Variants in DOK6 observed in about 807,000 individuals in gnomAD.
DOK6 encodes the protein downstream of tyrosine kinase 6.
In DOK6, 22 loss-of-function variants were observed where a neutral mutation model predicts 44.0. That is an observed-to-expected ratio of 0.50 (90% CI 0.36 to 0.71). The LOEUF (loss-of-function observed/expected upper bound fraction) is 0.71. DOK6 is among the 30% of genes least tolerant of loss of function. The pLI, the probability that DOK6 is intolerant of heterozygous loss-of-function variation, is 0.00. For missense variants in DOK6, 340 were observed against 416.4 expected (o/e 0.82, Z 1.60); for synonymous variants, 166 against 145.5 (o/e 1.14, Z -1.01).
At position 69,401,282 on chromosome 18, in the gene DOK6, A is replaced by G; in HGVS notation, c.38A>G (p.Tyr13Cys). ...SNFNDIVKQG[Y>C]VKIRSRKLGI... Reference sequence around the variant, plus strand: ...TTTAACGACATAGTCAAGCAGGGCTACGTGAAAATCCGCAGCAGGAAGCTT... The same window carrying G: ...TTTAACGACATAGTCAAGCAGGGCTGCGTGAAAATCCGCAGCAGGAAGCTT... Residue 13 changes from tyrosine to cysteine, a missense_variant, in exon 1 of 8, where the codon TAC becomes TGC. By Grantham distance (194) the Tyr-to-Cys change is radical (BLOSUM62 -2). Coordinates refer to ENST00000382713, the MANE Select transcript of DOK6 (RefSeq NM_152721.6). 1 of 1,584,982 alleles carries G rather than the reference A, an allele frequency of 6.3e-7. No individual in the cohort carries two copies. Among genetic ancestry groups the G allele is most frequent in the Admixed American group, 1.7e-5 (1 of 57,228 alleles).
intron 3 of DOK6, among the ~76,000 whole-genome samples, chr18:69,651,471 GC>G (rs1037659646): frequency 4.9e-5 from 7 of 143,154 alleles, no homozygotes; most frequent in African/African-American, 1.8e-4. Context: ...TGCATCATCA[GC>G]CCCCCGCTCC....
At chr18:69,607,571 TG>T (rs1420233345) in intron 3 of DOK6, among the ~76,000 whole-genome samples, 3 of 152,180 alleles carry the variant, frequency 2.0e-5, no homozygotes, top group Admixed American at 6.5e-5. Context: ...ATGTTAATAC[TG>T]CATTTTAATA....
In DOK6 at chr18:69,849,015, T is replaced by C. The variant is rs181391613; in HGVS notation, c.*7632T>C. On this transcript the variant is annotated 3_prime_UTR_variant, in exon 8 of 8. Transcript: ENST00000382713. ...AATCATATTCTGCTAATGTTTAAAA[T>C]GTTACTTATTCCTTCACTTATTAGC... 3 of 152,336 alleles carry C rather than the reference T, an allele frequency of 2.0e-5. No individual in the cohort carries two copies. Among genetic ancestry groups the C allele is most frequent in the Admixed American group, 1.3e-4 (2 of 15,298 alleles). 9.4% of individuals were successfully genotyped at this position (152,336 alleles called of 1,614,324 possible).
chr18:69,805,075 C>T (rs898839617), intron 7 of DOK6, among the ~76,000 whole-genome samples: 7 of 152,086 alleles, frequency 4.6e-5, no homozygotes, highest in African/African-American at 1.4e-4. Flanking sequence ...ATGGCTAAAA[C>T]GGAGGCTTAC....
At chr18:69,813,204 T>C (rs1414050203) in intron 7 of DOK6, among the ~76,000 whole-genome samples, 1 of 152,134 alleles carries the variant, frequency 6.6e-6, no homozygotes, top group East Asian at 1.9e-4. Flanking sequence ...TTAAGTGACT[T>C]TTGAAGTTCC....
intron 1 of DOK6, among the ~76,000 whole-genome samples, chr18:69,496,058 AC>A (rs1457514285): frequency 6.6e-6 from 1 of 152,168 alleles, no homozygotes; most frequent in African/African-American, 2.4e-5. Flanking sequence ...CTGTAGCTGC[AC>A]CCAGGAATGT....
chr18:69,652,901 G>A (rs1985267148), intron 3 of DOK6, among the ~76,000 whole-genome samples: 1 of 152,100 alleles, frequency 6.6e-6, no homozygotes, highest in Non-Finnish European at 1.5e-5. Flanking sequence ...CGAATAGTAA[G>A]GACAAACGAT....
chr18:69,571,989 A>G (rs144398699), intron 2 of DOK6, among the ~76,000 whole-genome samples: 34 of 152,254 alleles, frequency 2.2e-4, no homozygotes, highest in African/African-American at 7.7e-4. Flanking sequence ...AAGAATATTA[A>G]CAAGTCCTAA....
At chr18:69,709,111 A>G (rs1443010915) in intron 5 of DOK6, among the ~76,000 whole-genome samples, 1 of 152,134 alleles carries the variant, frequency 6.6e-6, no homozygotes, top group Non-Finnish European at 1.5e-5. Context: ...ACATTTCGTG[A>G]AATCTTCTTT....
intron 1 of DOK6, among the ~76,000 whole-genome samples, chr18:69,542,550 T>C (rs761151107): frequency 6.6e-6 from 1 of 151,524 alleles, no homozygotes; most frequent in Non-Finnish European, 1.5e-5. Flanking sequence ...TCCAGTTACG[T>C]AGCGCTACAC....
chr18:69,727,268 T>C (rs75756035), intron 5 of DOK6, among the ~76,000 whole-genome samples: 26,244 of 152,100 alleles, frequency 0.17, 2,341 homozygotes, highest in Middle Eastern at 0.23. Flanking sequence ...AGAATAGGGT[T>C]TCAACACGTG....
chr18:69,508,004 T>C (rs1337734639), intron 1 of DOK6, among the ~76,000 whole-genome samples: 1 of 152,194 alleles, frequency 6.6e-6, no homozygotes, highest in Non-Finnish European at 1.5e-5. Flanking sequence ...ATTATAGGTT[T>C]TTTATAGAGG....
At chr18:69,608,949 C>CAAAAAAAAA (rs35590191) in intron 3 of DOK6, among the ~76,000 whole-genome samples, 5 of 124,058 alleles carry the variant, frequency 4.0e-5, no homozygotes, top group African/African-American at 1.5e-4. Context: ...GACTCTGTCT[C>CAAAAAAAAA]AAAAAAAAAA....
At chr18:69,542,856 C>T (rs911980792) in intron 1 of DOK6, among the ~76,000 whole-genome samples, 5 of 151,638 alleles carry the variant, frequency 3.3e-5, no homozygotes, top group Middle Eastern at 3.4e-3. Flanking sequence ...GGATTAGTTC[C>T]TAAGGCTGCA....
chr18:69,735,051 G>C (rs149721550), intron 5 of DOK6, among the ~76,000 whole-genome samples: 19 of 152,302 alleles, frequency 1.2e-4, no homozygotes, highest in African/African-American at 4.6e-4. Flanking sequence ...ACCATGAATA[G>C]TGGAGCACCT....
intron 7 of DOK6, among the ~76,000 whole-genome samples, chr18:69,758,678 C>T (rs1191872201): frequency 3.3e-5 from 5 of 152,150 alleles, no homozygotes; most frequent in Admixed American, 3.3e-4. Flanking sequence ...ACACACACAG[C>T]CAAGAGCATT....
At chr18:69,796,215 A>G (rs1012596529) in intron 7 of DOK6, among the ~76,000 whole-genome samples, 1 of 152,168 alleles carries the variant, frequency 6.6e-6, no homozygotes, top group African/African-American at 2.4e-5. Flanking sequence ...GGAAACTCAC[A>G]AACGAGGCTG....
chr18:69,575,875 C>T (rs1373485858), intron 2 of DOK6, among the ~76,000 whole-genome samples: 1 of 152,002 alleles, frequency 6.6e-6, no homozygotes, highest in Non-Finnish European at 1.5e-5. Context: ...CTGTGGGTGA[C>T]TTCAATGTCA....
chr18:69,413,769 T>C (rs1440698235), intron 1 of DOK6, among the ~76,000 whole-genome samples: 1 of 151,954 alleles, frequency 6.6e-6, no homozygotes, highest in Non-Finnish European at 1.5e-5. Flanking sequence ...ATTAAAAACT[T>C]TTGCTCTGTG....
Sources: gnomAD v4.1 joint callset for allele counts (sites outside exome capture counted in the v4.1 genomes callset) on GRCh38, gnomAD v4.1.1 for gene constraint, MANE v1.5 for transcripts, NCBI Gene and HGNC (gene_info 2026-07-23, HGNC 2026-07-21) for gene names.